Variants in FRMD6 observed in about 807,000 individuals in gnomAD.
FRMD6 encodes FERM domain containing 6.
A neutral mutation model predicts 73.2 loss-of-function variants in FRMD6; 37 were observed. The ratio of observed to expected loss-of-function variants is 0.51; its 90% CI spans 0.39 to 0.66. The LOEUF (loss-of-function observed/expected upper bound fraction) is 0.66. Among genes scored for constraint, FRMD6 ranks in the 30% least tolerant of loss-of-function variants. The pLI, the probability that FRMD6 is intolerant of heterozygous loss-of-function variation, is 0.00. For missense variants in FRMD6, 714 were observed against 780.5 expected (o/e 0.91, Z 1.02); for synonymous variants, 273 against 282.2 (o/e 0.97, Z 0.33).
chr14:51,709,223 A>G (rs1482763907), intron 7 of FRMD6, among the ~76,000 whole-genome samples: 1 of 152,086 alleles, frequency 6.6e-6, no homozygotes, highest in Non-Finnish European at 1.5e-5. Flanking sequence ...GCCTCTTACT[A>G]TGTGACCTCA....
chr14:51,603,223 T>C (rs548946575), intron 2 of FRMD6, among the ~76,000 whole-genome samples: 14 of 150,200 alleles, frequency 9.3e-5, no homozygotes, highest in Non-Finnish European at 1.6e-4. Context: ...CGCCCAGAAC[T>C]ATAGGAAAAA....
At chr14:51,486,451 G>C (rs1036714637), upstream of FRMD6, among the ~76,000 whole-genome samples, 16 of 152,174 alleles carry the variant, frequency 1.1e-4, no homozygotes, top group African/African-American at 3.9e-4. Flanking sequence ...TTCCTGTGTA[G>C]AGTTTTTATG....
At chr14:51,516,790 G>A (rs1200209364) in intron 1 of FRMD6, among the ~76,000 whole-genome samples, 1 of 152,144 alleles carries the variant, frequency 6.6e-6, no homozygotes, top group Non-Finnish European at 1.5e-5. Context: ...AACAAACAAA[G>A]TAACCCATTA....
intron 2 of FRMD6, among the ~76,000 whole-genome samples, chr14:51,639,109 T>A (rs984952845): frequency 5.3e-5 from 8 of 152,116 alleles, no homozygotes; most frequent in Admixed American, 5.2e-4. Flanking sequence ...ACAGGACTTT[T>A]CTTTTCCTTT....
intron 1 of FRMD6, among the ~76,000 whole-genome samples, chr14:51,516,000 C>T (rs1884616331): frequency 6.8e-6 from 1 of 147,442 alleles, no homozygotes; most frequent in African/African-American, 2.6e-5. Context: ...ACTTTCTAAC[C>T]TTCTGGGTGT....
chr14:51,606,818 T>C (rs1388871181), intron 2 of FRMD6, among the ~76,000 whole-genome samples: 6 of 152,084 alleles, frequency 3.9e-5, no homozygotes, highest in African/African-American at 1.4e-4. Context: ...GCCCAAGTCC[T>C]AAGGCCTCAG....
At chr14:51,449,485 T>A in the FRMD6 span, among the ~76,000 whole-genome samples, 8 of 152,212 alleles carry the variant, frequency 5.3e-5, no homozygotes, top group Non-Finnish European at 1.2e-4. Context: ...TGCAGAACAG[T>A]TCCAAAGCCA....
intron 1 of FRMD6, among the ~76,000 whole-genome samples, chr14:51,561,593 A>G (rs1042172076): frequency 1.3e-5 from 2 of 152,228 alleles, no homozygotes; most frequent in Non-Finnish European, 2.9e-5. Context: ...GAATTTGACA[A>G]CAGGCTTGGG....
At chr14:51,541,957 G>A (rs1239427719) in intron 1 of FRMD6, among the ~76,000 whole-genome samples, 1 of 151,896 alleles carries the variant, frequency 6.6e-6, no homozygotes, top group African/African-American at 2.4e-5. Flanking sequence ...TTTTTATCAT[G>A]GAAGTAATTT....
intron 1 of FRMD6, among the ~76,000 whole-genome samples, chr14:51,555,549 T>G (rs1887079749): frequency 6.6e-6 from 1 of 152,170 alleles, no homozygotes; most frequent in African/African-American, 2.4e-5. Context: ...ACGCCTGTAA[T>G]CCCGGCACTT....
intron 1 of FRMD6, among the ~76,000 whole-genome samples, chr14:51,678,838 G>A (rs932845853): frequency 1.5e-4 from 23 of 150,040 alleles, no homozygotes; most frequent in Non-Finnish European, 3.1e-4. Flanking sequence ...TTCTTTTGGA[G>A]TGGGTGGGTG....
the FRMD6 span, among the ~76,000 whole-genome samples, chr14:51,412,847 G>T: frequency 5.9e-5 from 9 of 151,630 alleles, no homozygotes; most frequent in South Asian, 2.1e-4. Flanking sequence ...GCAAGATTCT[G>T]TCTAAAAAAA....
At chr14:51,460,761 G>A in the FRMD6 span, among the ~76,000 whole-genome samples, 1 of 152,166 alleles carries the variant, frequency 6.6e-6, no homozygotes, top group South Asian at 2.1e-4. Flanking sequence ...GTAGTCCTCT[G>A]GAGTAGATCC....
intron 2 of FRMD6, among the ~76,000 whole-genome samples, chr14:51,588,559 C>A (rs1047965865): frequency 6.6e-6 from 1 of 152,056 alleles, no homozygotes; most frequent in Non-Finnish European, 1.5e-5. Flanking sequence ...GGAACACGAC[C>A]CAAACAGGGG....
At chr14:51,500,042 T>TA (rs1481476049) in intron 1 of FRMD6, among the ~76,000 whole-genome samples, 1 of 152,200 alleles carries the variant, frequency 6.6e-6, no homozygotes, top group Non-Finnish European at 1.5e-5. Context: ...CATCAAGACT[T>TA]ACGATTTTGC....
the FRMD6 span, among the ~76,000 whole-genome samples, chr14:51,452,869 G>A: frequency 6.6e-6 from 1 of 152,184 alleles, no homozygotes; most frequent in Non-Finnish European, 1.5e-5. Context: ...CGGCAAGGAA[G>A]ATGTCCAGTA....
At chr14:51,468,870 A>G in the FRMD6 span, among the ~76,000 whole-genome samples, 1 of 152,304 alleles carries the variant, frequency 6.6e-6, no homozygotes, top group African/African-American at 2.4e-5. Context: ...ATCTATTGAA[A>G]CAGTCATATG....
chr14:51,520,123 G>A (rs1438484986), intron 1 of FRMD6, among the ~76,000 whole-genome samples: 1 of 152,124 alleles, frequency 6.6e-6, no homozygotes, highest in Non-Finnish European at 1.5e-5. Flanking sequence ...TTACAACTAA[G>A]CAATACAAAG....
chr14:51,508,148 C>A (rs182434151), intron 1 of FRMD6, among the ~76,000 whole-genome samples: 18 of 152,326 alleles, frequency 1.2e-4, no homozygotes, highest in East Asian at 9.7e-4. Context: ...GAGCACCCCC[C>A]AGCCTGTCCC....
Sources: gnomAD v4.1 joint callset for allele counts (sites outside exome capture counted in the v4.1 genomes callset) on GRCh38, gnomAD v4.1.1 for gene constraint, MANE v1.5 for transcripts, NCBI Gene and HGNC (gene_info 2026-07-23, HGNC 2026-07-21) for gene names.